Variants in N4BP1 observed in about 807,000 individuals in gnomAD.
N4BP1 encodes NEDD4-binding protein 1.
N4BP1 carries 21 observed loss-of-function variants against 70.9 expected under a neutral mutation model. That is an observed-to-expected ratio of 0.30 (90% CI 0.21 to 0.43). The LOEUF is 0.43. Among genes scored for constraint, N4BP1 ranks in the 20% least tolerant of loss-of-function variants. The probability of loss-of-function intolerance (pLI) is 1.00; values close to 1 mark genes in which losing one functional copy is unlikely to be tolerated. For synonymous variants in N4BP1, 387 were observed against 394.6 expected, an observed-to-expected ratio of 0.98 and a Z score of 0.23; for missense variants, 936 against 1,069.4, an observed-to-expected ratio of 0.88 and a Z score of 1.74.
chr16:48,541,947 T>C lies in N4BP1; in HGVS notation c.*957A>G, dbSNP rs1963505580. On this transcript the variant is annotated 3_prime_UTR_variant, in exon 7 of 7. Transcript: ENST00000262384. ...AGAAAACCATTTTTTGGCAAAGCTG[T>C]ACAAACTCCACATCAGGGCGTCTCC... 1 of 152,692 alleles carries C rather than the reference T, an allele frequency of 6.5e-6. No individual in the cohort carries two copies. Among genetic ancestry groups the C allele is most frequent in the Non-Finnish European group, 1.5e-5 (1 of 68,058 alleles). The allele number at this position is 152,692 out of a possible 1,614,324, so 9.5% of individuals were successfully genotyped here.
intron 6 of N4BP1, among the ~76,000 whole-genome samples, chr16:48,544,928 C>T (rs182972710): frequency 3.3e-5 from 5 of 152,192 alleles, no homozygotes; most frequent in East Asian, 3.9e-4. Flanking sequence ...AAGTAGTATT[C>T]GCCAGTAAGT....
intron 1 of N4BP1, among the ~76,000 whole-genome samples, chr16:48,600,972 G>A (rs1199916430): frequency 6.6e-6 from 1 of 152,166 alleles, no homozygotes; most frequent in South Asian, 2.1e-4. Context: ...ATCATGGCTA[G>A]TGATATATAA....
At chr16:48,557,571 A>G (rs1306667472) in intron 2 of N4BP1, among the ~76,000 whole-genome samples, 1 of 152,178 alleles carries the variant, frequency 6.6e-6, no homozygotes, top group Non-Finnish European at 1.5e-5. Context: ...TGCATTAAAT[A>G]TATGGCCTCA....
chr16:48,548,770 G>A (rs1963624603), intron 4 of N4BP1, among the ~76,000 whole-genome samples: 1 of 151,424 alleles, frequency 6.6e-6, no homozygotes, highest in African/African-American at 2.4e-5. Context: ...GCCCAGGCAG[G>A]TGGAGGGTGC....
chr16:48,574,455 T>C (rs754628709), intron 1 of N4BP1, among the ~76,000 whole-genome samples: 1 of 152,244 alleles, frequency 6.6e-6, no homozygotes, highest in Non-Finnish European at 1.5e-5. Flanking sequence ...TGAATATTAT[T>C]ATGCAAGAAT....
chr16:48,601,170 G>C (rs1160201472), intron 1 of N4BP1, among the ~76,000 whole-genome samples: 1 of 152,224 alleles, frequency 6.6e-6, no homozygotes, highest in Non-Finnish European at 1.5e-5. Context: ...ATGCTGGACT[G>C]TTTTGACCTG....
chr16:48,542,768 A>T lies in N4BP1; in HGVS notation c.*136T>A, dbSNP rs1963522841. Reference sequence around the variant, plus strand: ...TTGAAAACCCAGATTTATACCCAAAACATTTTTTTTCTGTACAACTGCGTT... The same window carrying T: ...TTGAAAACCCAGATTTATACCCAAATCATTTTTTTTCTGTACAACTGCGTT... On this transcript the variant is annotated 3_prime_UTR_variant, in exon 7 of 7. Transcript: ENST00000262384. 2 of 767,568 alleles carry T rather than the reference A, an allele frequency of 2.6e-6. No individual in the cohort carries two copies. The highest frequency in any genetic ancestry group is 3.6e-5 in the Admixed American group (1 of 28,006). 47.5% of individuals were successfully genotyped at this position (767,568 alleles called of 1,614,324 possible).
chr16:48,592,175 G>A (rs1964349282), intron 1 of N4BP1, among the ~76,000 whole-genome samples: 1 of 152,144 alleles, frequency 6.6e-6, no homozygotes, highest in African/African-American at 2.4e-5. Flanking sequence ...GTTGCAATGA[G>A]CCAAGGTCAC....
intron 1 of N4BP1, among the ~76,000 whole-genome samples, chr16:48,590,059 A>G (rs938575660): frequency 7.2e-5 from 11 of 152,188 alleles, no homozygotes; most frequent in Non-Finnish European, 1.0e-4. Context: ...TCTGGCTCCA[A>G]GAGTCTGAAC....
chr16:48,558,036 G>T (rs527304643), intron 2 of N4BP1, among the ~76,000 whole-genome samples: 1 of 152,056 alleles, frequency 6.6e-6, no homozygotes, highest in Non-Finnish European at 1.5e-5. Context: ...TACTACGTTC[G>T]CAATGCCGTG....
intron 1 of N4BP1, among the ~76,000 whole-genome samples, chr16:48,608,308 T>C (rs1356687320): frequency 6.6e-6 from 1 of 152,084 alleles, no homozygotes; most frequent in Non-Finnish European, 1.5e-5. Flanking sequence ...CGGCCTACAA[T>C]GTTTTAAGTT....
chr16:48,599,484 TTGTACCCAAATCTAGC>T (rs1469310883), intron 1 of N4BP1, among the ~76,000 whole-genome samples: 1 of 152,220 alleles, frequency 6.6e-6, no homozygotes, highest in African/African-American at 2.4e-5. Context: ...TTCACCAGTT[TTGTACCCAAATCTAGC>T]AATCTTATTC....
intron 1 of N4BP1, among the ~76,000 whole-genome samples, chr16:48,586,566 G>A (rs1381164029): frequency 6.6e-6 from 1 of 152,102 alleles, no homozygotes; most frequent in Non-Finnish European, 1.5e-5. Context: ...GCTCTTAAAT[G>A]CAGCATAATA....
At chr16:48,597,842 G>A (rs1296555288) in intron 1 of N4BP1, among the ~76,000 whole-genome samples, 2 of 152,142 alleles carry the variant, frequency 1.3e-5, no homozygotes, top group Non-Finnish European at 2.9e-5. Context: ...TGGACATGAG[G>A]CAATAAACCT....
At chr16:48,595,233 G>A (rs1018348191) in intron 1 of N4BP1, among the ~76,000 whole-genome samples, 1 of 151,838 alleles carries the variant, frequency 6.6e-6, no homozygotes, top group African/African-American at 2.4e-5. Flanking sequence ...AGGCTGAGGC[G>A]GGTGGATCAT....
At chr16:48,606,151 G>A (rs140108781) in intron 1 of N4BP1, among the ~76,000 whole-genome samples, 3 of 152,198 alleles carry the variant, frequency 2.0e-5, no homozygotes, top group East Asian at 1.9e-4. Flanking sequence ...ATGTTGATGA[G>A]CTGGTGGCCC....
At chr16:48,577,346 A>C (rs1419519980) in intron 1 of N4BP1, among the ~76,000 whole-genome samples, 3 of 151,216 alleles carry the variant, frequency 2.0e-5, no homozygotes, top group African/African-American at 7.3e-5. Context: ...TTCTTTCTCT[A>C]TTGCTCCTTA....
chr16:48,579,410 C>G (rs571301178), intron 1 of N4BP1, among the ~76,000 whole-genome samples: 4 of 152,286 alleles, frequency 2.6e-5, no homozygotes, highest in African/African-American at 7.2e-5. Context: ...AGGGAGTACT[C>G]TCTTAGGCCT....
chr16:48,566,349 C>T (rs1238579832), intron 1 of N4BP1, among the ~76,000 whole-genome samples: 2 of 152,080 alleles, frequency 1.3e-5, no homozygotes, highest in Non-Finnish European at 1.5e-5. Context: ...CCAGCCTCTT[C>T]TTTTCTAATG....
Sources: gnomAD v4.1 joint callset for allele counts (sites outside exome capture counted in the v4.1 genomes callset) on GRCh38, gnomAD v4.1.1 for gene constraint, MANE v1.5 for transcripts, NCBI Gene and HGNC (gene_info 2026-07-23, HGNC 2026-07-21) for gene names.